The following CAMTA1 variants were observed in gnomAD, a reference collection of about 807,000 sequenced individuals.
CAMTA1 encodes the protein calmodulin binding transcription activator 1.
Under a neutral mutation model 170.9 loss-of-function variants are expected in CAMTA1, and 27 were observed. The observed-to-expected ratio is 0.16, with a 90% CI of 0.12 to 0.22. CAMTA1 has a LOEUF of 0.22. Among genes scored for constraint, CAMTA1 ranks in the 10% least tolerant of loss-of-function variants. The pLI, the probability that CAMTA1 is intolerant of heterozygous loss-of-function variation, is 1.00. For missense variants in CAMTA1, 1,619 were observed against 2,217.2 expected (o/e 0.73, Z 5.42); for synonymous variants, 833 against 891.5 (o/e 0.93, Z 1.17).
chr1:7,257,623 A>T (rs1318531218), intron 5 of CAMTA1, among the ~76,000 whole-genome samples: 7 of 152,354 alleles, frequency 4.6e-5, no homozygotes, highest in Admixed American at 4.6e-4. Flanking sequence ...ATGTTGCCAG[A>T]TTTAGTATGT....
chr1:7,018,112 C>T lies in CAMTA1; in HGVS notation c.235-73192C>T, dbSNP rs1249677337. Among the ~76,000 whole-genome samples the T allele has an allele frequency of 8.1e-5, 8 of 98,458 alleles. No homozygotes were observed. The South Asian group carries it at 8.4e-4, about 10-fold the overall frequency. 64.6% of individuals were successfully genotyped at this position (98,458 alleles called of 152,430 possible). On this transcript the variant is annotated intron_variant, in intron 3 of 22. Transcript: ENST00000303635. ...CTGGGTACCTGGGACCACAGGTGTG[C>T]GGCACCACGCCTGGCTAATGCCAGG...
At chr1:7,031,438 C>CCAGAATG (rs1345954843) in intron 3 of CAMTA1, among the ~76,000 whole-genome samples, 1 of 152,138 alleles carries the variant, frequency 6.6e-6, no homozygotes, top group African/African-American at 2.4e-5. Context: ...GGTATATCTT[C>CCAGAATG]TTCCATTCTT....
At chr1:7,198,126 T>C (rs959584246) in intron 4 of CAMTA1, among the ~76,000 whole-genome samples, 2 of 152,168 alleles carry the variant, frequency 1.3e-5, no homozygotes, top group Non-Finnish European at 2.9e-5. Context: ...TTCTAGGATA[T>C]TGGGGTGACC....
chr1:6,834,438 C>A, intron 3 of CAMTA1: 1 of 225,362 alleles, frequency 4.4e-6, no homozygotes, highest in Non-Finnish European at 9.2e-6. Flanking sequence ...CTCGTTCGGC[C>A]AGTCCTGGTG....
chr1:6,976,948 ATGATT>A (rs1196306887), intron 3 of CAMTA1, among the ~76,000 whole-genome samples: 10 of 152,202 alleles, frequency 6.6e-5, no homozygotes, highest in Admixed American at 1.3e-4. Flanking sequence ...TCCCCTGCAC[ATGATT>A]TCTTGCCTGC....
chr1:7,678,022 G>C (rs1221549052), intron 11 of CAMTA1, among the ~76,000 whole-genome samples: 1 of 152,228 alleles, frequency 6.6e-6, no homozygotes, highest in Non-Finnish European at 1.5e-5. Flanking sequence ...TGGGCTGTCT[G>C]AGTGGCCAAG....
At chr1:7,594,833 C>T (rs192579461) in intron 6 of CAMTA1, among the ~76,000 whole-genome samples, 18 of 152,126 alleles carry the variant, frequency 1.2e-4, no homozygotes, top group Non-Finnish European at 2.2e-4. Context: ...GGGGAACAGG[C>T]GGGATGAAGA....
At position 7,754,009 on chromosome 1, in the gene CAMTA1, G is replaced by A. The variant is rs116128985; in HGVS notation, c.4958+1476G>A. ...TCAATCATACCTTTTACTTAGCAGG[G>A]ACTTAGGACCAAAGAGAGTAGCTGA... On this transcript the variant is annotated intron_variant, in intron 21 of 22. Transcript: ENST00000303635. Among the ~76,000 whole-genome samples, 349 of 152,288 alleles carry A rather than the reference G, an allele frequency of 2.3e-3. 1 individual carries two copies. Among genetic ancestry groups the A allele is most frequent in the African/African-American group, 8.2e-3 (341 of 41,558 alleles).
In CAMTA1 at chr1:7,283,379, C is replaced by T. The variant is rs545412168; in HGVS notation, c.438+33753C>T. ...TTTGGGCAAAACTGTCTTCCTTTCC[C>T]GCTCTCTACTTTCTCCGAGGTTCCA... is the stretch of plus-strand genomic sequence containing the variant. On this transcript the variant is annotated intron_variant, in intron 5 of 22. Transcript: ENST00000303635. 1.0e-3 allele frequency among the ~76,000 whole-genome samples: 154 copies of T among 152,274 alleles called. 1 individual carries two copies. Among genetic ancestry groups the T allele is most frequent in the Admixed American group, 1.7e-3 (26 of 15,288 alleles).
chr1:7,288,291 C>T (rs1428554019), intron 5 of CAMTA1, among the ~76,000 whole-genome samples: 1 of 152,196 alleles, frequency 6.6e-6, no homozygotes, highest in Non-Finnish European at 1.5e-5. Flanking sequence ...AGAGTGCTTT[C>T]CTAACAGGAA....
At chr1:7,005,160 G>A (rs1471355497) in intron 3 of CAMTA1, among the ~76,000 whole-genome samples, 2 of 152,218 alleles carry the variant, frequency 1.3e-5, no homozygotes, top group African/African-American at 4.8e-5. Context: ...CACCTAGGTG[G>A]ACCAACTGTG....
intron 3 of CAMTA1, among the ~76,000 whole-genome samples, chr1:6,847,851 G>A (rs1658858070): frequency 6.6e-6 from 1 of 150,514 alleles, no homozygotes; most frequent in African/African-American, 2.4e-5. Flanking sequence ...TTACAGGCAC[G>A]CATGTGGCAC....
At chr1:7,284,264 C>T (rs769353816) in intron 5 of CAMTA1, among the ~76,000 whole-genome samples, 24 of 150,230 alleles carry the variant, frequency 1.6e-4, no homozygotes, top group Non-Finnish European at 2.4e-4. Flanking sequence ...AGTGCAGTGG[C>T]GTAATCTTGG....
intron 11 of CAMTA1, among the ~76,000 whole-genome samples, chr1:7,702,874 A>G (rs1399046135): frequency 1.3e-5 from 2 of 152,118 alleles, no homozygotes; most frequent in African/African-American, 2.4e-5. Flanking sequence ...GTTTTGGCAA[A>G]GCTGGCAACG....
intron 5 of CAMTA1, among the ~76,000 whole-genome samples, chr1:7,315,498 T>C (rs991477020): frequency 4.6e-5 from 7 of 152,320 alleles, no homozygotes; most frequent in Admixed American, 6.5e-5. Context: ...GCTTTTACCG[T>C]GGTGAATCAC....
In CAMTA1 at chr1:7,093,231, G is replaced by T. The variant is rs115453177; in HGVS notation, c.302+1860G>T. Among the ~76,000 whole-genome samples, 614 of 152,314 alleles carry T rather than the reference G, an allele frequency of 4.0e-3. 7 individuals carry two copies. Among genetic ancestry groups the T allele is most frequent in the African/African-American group, 0.014 (583 of 41,564 alleles). ...CACCCTAGGGTTTCTGATTCAGCAG[G>T]TGCGGTGCAGGGGGCCTGAACATGT... is the stretch of plus-strand genomic sequence containing the variant. On this transcript the variant is annotated intron_variant, in intron 4 of 22. Transcript: ENST00000303635. This position sits in a 1 kb window ranked among gnomAD's most constrained non-coding sequence, Gnocchi z 4.6.
intron 3 of CAMTA1, among the ~76,000 whole-genome samples, chr1:6,952,430 CAAAAAAAAG>C (rs1480439587): frequency 1.1e-3 from 15 of 13,120 alleles, no homozygotes; most frequent in Non-Finnish European, 2.2e-3. Flanking sequence ...GACTCTGTCT[CAAAAAAAAG>C]AAAAAAAAAA....
intron 3 of CAMTA1, among the ~76,000 whole-genome samples, chr1:6,858,538 C>T (rs374287973): frequency 4.0e-5 from 6 of 150,452 alleles, no homozygotes; most frequent in East Asian, 1.9e-4. Flanking sequence ...CCAGTTTAGC[C>T]GGCATTATAC....
chr1:7,676,721 T>G (rs915997905), intron 10 of CAMTA1, among the ~76,000 whole-genome samples: 3 of 152,170 alleles, frequency 2.0e-5, no homozygotes, highest in African/African-American at 7.2e-5. Flanking sequence ...CTGCCAGGGA[T>G]GAGGCCTGGC....
Sources: allele counts gnomAD v4.1 joint callset (sites outside exome capture counted in the v4.1 genomes callset), GRCh38; gene constraint gnomAD v4.1.1; non-coding constraint Gnocchi (gnomAD v3.1); transcripts MANE v1.5; gene names NCBI Gene and HGNC (gene_info 2026-07-23, HGNC 2026-07-21).